Variants in ANKRD45 observed in about 807,000 individuals in gnomAD.
The protein encoded by ANKRD45 is ankyrin repeat domain 45, also known as ankyrin repeat domain-containing protein 45.
Under a neutral mutation model 28.1 loss-of-function variants are expected in ANKRD45, and 21 were observed. The observed-to-expected ratio is 0.75, with a 90% CI of 0.53 to 1.08. ANKRD45 has a LOEUF of 1.08. ANKRD45 is among the 50% of genes least tolerant of loss of function. The pLI is 0.00. For synonymous variants in ANKRD45, 86 were observed against 103.9 expected (o/e 0.83, Z 1.05); for missense variants, 261 against 308.7 (o/e 0.85, Z 1.16).
the ANKRD45 span, among the ~76,000 whole-genome samples, chr1:173,696,582 TA>T: frequency 6.6e-6 from 1 of 152,164 alleles, no homozygotes; most frequent in Non-Finnish European, 1.5e-5. Flanking sequence ...CAGGTGGTTG[TA>T]GGTGTGTGGC....
the ANKRD45 span, among the ~76,000 whole-genome samples, chr1:173,680,898 A>G: frequency 1.4e-5 from 2 of 142,602 alleles, no homozygotes; most frequent in Admixed American, 7.3e-5. Flanking sequence ...CTCATTCATA[A>G]GTGAGAGTTG....
the ANKRD45 span, among the ~76,000 whole-genome samples, chr1:173,683,432 A>AAC: frequency 6.6e-6 from 1 of 152,006 alleles, no homozygotes; most frequent in African/African-American, 2.4e-5. Flanking sequence ...TAAAACTCCA[A>AAC]AACAACAACA....
upstream of ANKRD45, among the ~76,000 whole-genome samples, chr1:173,671,501 CT>C (rs1033192914): frequency 6.6e-6 from 1 of 152,106 alleles, no homozygotes; most frequent in Non-Finnish European, 1.5e-5. Flanking sequence ...TAGCAGGCCA[CT>C]GCACATGTGG....
At chr1:173,695,529 G>C in the ANKRD45 span, among the ~76,000 whole-genome samples, 1 of 152,130 alleles carries the variant, frequency 6.6e-6, no homozygotes, top group African/African-American at 2.4e-5. Context: ...CAAAGGACAT[G>C]ATATCACTCT....
chr1:173,624,013 T>C (rs1179276481), intron 5 of ANKRD45, among the ~76,000 whole-genome samples: 1 of 151,716 alleles, frequency 6.6e-6, no homozygotes, highest in African/African-American at 2.4e-5. Context: ...AATACCAAGG[T>C]GATAGGTTGA....
intron 3 of ANKRD45, chr1:173,637,276 C>A: frequency 2.5e-6 from 1 of 395,536 alleles, no homozygotes; most frequent in Non-Finnish European, 4.5e-6. Flanking sequence ...AGAGGTTCCT[C>A]TTCAAAGGGA....
chr1:173,702,528 G>A, the ANKRD45 span, among the ~76,000 whole-genome samples: 4 of 152,018 alleles, frequency 2.6e-5, no homozygotes, highest in African/African-American at 7.3e-5. Context: ...GGCAAAGGAA[G>A]ATAGGGAAAA....
chr1:173,697,236 A>G, the ANKRD45 span, among the ~76,000 whole-genome samples: 1 of 152,230 alleles, frequency 6.6e-6, no homozygotes, highest in Non-Finnish European at 1.5e-5. Context: ...GCTAGAAAAC[A>G]TTCTTCAGGA....
intron 5 of ANKRD45, among the ~76,000 whole-genome samples, chr1:173,618,639 A>T (rs962698224): frequency 6.6e-6 from 1 of 152,196 alleles, no homozygotes; most frequent in Non-Finnish European, 1.5e-5. Flanking sequence ...GGGACTACGT[A>T]AAAAGACCAA....
Position 173,646,993 on chromosome 1 carries a change from C to T in ANKRD45, c.349G>A (p.Ala117Thr). ...GTTTCCAAACGACCCCAGGCTGCAG[C>T]ACAATGTAAGAGTGTGTACCCTAAC... is the stretch of plus-strand genomic sequence containing the variant. The part of the protein sequence containing the change: ...TTRGYTLLHC[A>T]AAWGRLETLK... Residue 117 changes from alanine to threonine, a missense_variant, in exon 3 of 6, where the codon GCT becomes ACT. Ala to Thr is a moderately conservative substitution (Grantham distance 58, BLOSUM62 0). Coordinates refer to ENST00000333279, the MANE Select transcript of ANKRD45 (RefSeq NM_198493.3). 6.2e-7 allele frequency: 1 copy of T among 1,614,036 alleles called. No homozygotes were observed. The highest frequency in any genetic ancestry group is 1.1e-5 in the South Asian group (1 of 91,064).
At chr1:173,629,266 A>G (rs988876790) in intron 3 of ANKRD45, among the ~76,000 whole-genome samples, 2 of 152,234 alleles carry the variant, frequency 1.3e-5, no homozygotes, top group Non-Finnish European at 2.9e-5. Context: ...ACAAGCAAGA[A>G]GGTCAGTCAG....
At chr1:173,695,166 A>T in the ANKRD45 span, among the ~76,000 whole-genome samples, 2 of 152,132 alleles carry the variant, frequency 1.3e-5, no homozygotes, top group Non-Finnish European at 2.9e-5. Flanking sequence ...TTCCTAAGCA[A>T]TGTATGGTAT....
chr1:173,645,263 T>C (rs906202863), intron 3 of ANKRD45, among the ~76,000 whole-genome samples: 1 of 152,220 alleles, frequency 6.6e-6, no homozygotes, highest in African/African-American at 2.4e-5. Context: ...TTCTAGTCCC[T>C]TTCTCATTTT....
chr1:173,679,777 A>C, the ANKRD45 span, among the ~76,000 whole-genome samples: 1,014 of 152,348 alleles, frequency 6.7e-3, 7 homozygotes, highest in Non-Finnish European at 0.011. Flanking sequence ...AATGGGAGAA[A>C]ATTTTTGCAA....
At chr1:173,668,744 C>G (rs1670127743) in intron 1 of ANKRD45, among the ~76,000 whole-genome samples, 1 of 152,186 alleles carries the variant, frequency 6.6e-6, no homozygotes, top group Non-Finnish European at 1.5e-5. Flanking sequence ...GGAACCAGAT[C>G]AGTCATATAC....
intron 5 of ANKRD45, among the ~76,000 whole-genome samples, chr1:173,624,503 A>G (rs1238567477): frequency 6.6e-6 from 1 of 152,082 alleles, no homozygotes; most frequent in Non-Finnish European, 1.5e-5. Flanking sequence ...AAAAAAAAAA[A>G]AAAATCAAAA....
chr1:173,660,144 A>G (rs1669716383), intron 1 of ANKRD45, among the ~76,000 whole-genome samples: 1 of 152,182 alleles, frequency 6.6e-6, no homozygotes, highest in African/African-American at 2.4e-5. Flanking sequence ...TGAAGGAGGT[A>G]CCTCTCACAC....
chr1:173,694,356 G>A, the ANKRD45 span, among the ~76,000 whole-genome samples: 3 of 151,754 alleles, frequency 2.0e-5, no homozygotes, highest in African/African-American at 4.8e-5. Flanking sequence ...GTAGAGACAG[G>A]GTTTCACCAT....
chr1:173,639,891 C>T (rs1668628852), intron 3 of ANKRD45, among the ~76,000 whole-genome samples: 1 of 152,130 alleles, frequency 6.6e-6, no homozygotes, highest in Non-Finnish European at 1.5e-5. Context: ...TTGACTCAGA[C>T]AATGGAACCT....
Sources: allele counts gnomAD v4.1 joint callset (sites outside exome capture counted in the v4.1 genomes callset), GRCh38; gene constraint gnomAD v4.1.1; transcripts MANE v1.5; gene names NCBI Gene and HGNC (gene_info 2026-07-23, HGNC 2026-07-21).